CDK19: variants seen among roughly 807,000 people sequenced by gnomAD.
CDK19 encodes the protein cyclin-dependent kinase 19.
In CDK19, 20 loss-of-function variants were observed where a neutral mutation model predicts 68.3. The ratio of observed to expected loss-of-function variants is 0.29; its 90% confidence interval spans 0.21 to 0.43. The LOEUF (loss-of-function observed/expected upper bound fraction) is 0.43, where lower values mean the gene tolerates loss of function less well. Among genes scored for constraint, CDK19 ranks in the 20% least tolerant of loss-of-function variants. CDK19 has a pLI of 1.00. For missense variants in CDK19, 339 were observed against 623.5 expected (o/e 0.54, Z 4.86); for synonymous variants, 221 against 222.8 (o/e 0.99, Z 0.07).
intron 12 of CDK19, among the ~76,000 whole-genome samples, chr6:110,617,698 C>A (rs1223268996): frequency 7.0e-6 from 1 of 142,944 alleles, no homozygotes; most frequent in East Asian, 2.0e-4. Flanking sequence ...CACACACACA[C>A]ACACACAAAT....
rs562138230 is a variant in CDK19 at position 110,739,825 on chromosome 6, A to T, written c.204+6301T>A. Among the ~76,000 whole-genome samples the T allele has an allele frequency of 4.8e-5, 7 of 146,482 alleles. No homozygotes were observed. In the East Asian group the frequency reaches 1.2e-3, roughly 26 times the overall value. On this transcript the variant is annotated intron_variant, in intron 2 of 12. Coordinates refer to ENST00000368911, the MANE Select transcript of CDK19 (RefSeq NM_015076.5). Reference sequence around the variant, plus strand: ...ATTATTATTATTATTATTATTATAGAGACAGGGTCTCACAATATTGTCCAG... The same window carrying T: ...ATTATTATTATTATTATTATTATAGTGACAGGGTCTCACAATATTGTCCAG...
intron 1 of CDK19, among the ~76,000 whole-genome samples, chr6:110,760,715 G>A (rs1779173349): frequency 6.6e-6 from 1 of 152,172 alleles, no homozygotes; most frequent in Non-Finnish European, 1.5e-5. Flanking sequence ...GCGACAGGGC[G>A]AGACCTTGTC....
At chr6:110,677,877 T>C (rs1370914370) in intron 2 of CDK19, among the ~76,000 whole-genome samples, 2 of 152,208 alleles carry the variant, frequency 1.3e-5, no homozygotes, top group African/African-American at 4.8e-5. Flanking sequence ...TGAGACAAGA[T>C]CTCACTTTGT....
chr6:110,682,161 CACTT>C (rs2114521887), intron 2 of CDK19, among the ~76,000 whole-genome samples: 2 of 152,334 alleles, frequency 1.3e-5, no homozygotes, highest in East Asian at 3.9e-4. Context: ...TTCAATTACT[CACTT>C]ATCTCAAAGT....
At chr6:110,804,684 G>A (rs949362086) in intron 1 of CDK19, among the ~76,000 whole-genome samples, 2 of 149,882 alleles carry the variant, frequency 1.3e-5, no homozygotes, top group Admixed American at 6.6e-5. Flanking sequence ...TGCCGGGCGC[G>A]GTGGCTCACA....
At chr6:110,679,190 C>T (rs1359264537) in intron 2 of CDK19, among the ~76,000 whole-genome samples, 1 of 152,040 alleles carries the variant, frequency 6.6e-6, no homozygotes, top group Non-Finnish European at 1.5e-5. Flanking sequence ...GTGGTGCAGG[C>T]CTGTAGTCCC....
intron 1 of CDK19, among the ~76,000 whole-genome samples, chr6:110,760,477 C>T (rs1245591124): frequency 6.9e-6 from 1 of 144,548 alleles, no homozygotes; most frequent in Non-Finnish European, 1.5e-5. Context: ...CCTGTTAATT[C>T]AAAACTTTGG....
chr6:110,625,504 A>T (rs377416858), intron 8 of CDK19, among the ~76,000 whole-genome samples: 1 of 152,066 alleles, frequency 6.6e-6, no homozygotes, highest in African/African-American at 2.4e-5. Context: ...ACAAGGGTAC[A>T]ATAAAATGTT....
chr6:110,683,725 C>CA (rs1772210497), intron 2 of CDK19, among the ~76,000 whole-genome samples: 1 of 132,638 alleles, frequency 7.5e-6, no homozygotes, highest in African/African-American at 2.8e-5. Flanking sequence ...TTTTTGGAGA[C>CA]AGAGTCTCAC....
intron 2 of CDK19, among the ~76,000 whole-genome samples, chr6:110,724,403 A>G (rs1015975887): frequency 6.6e-6 from 1 of 152,150 alleles, no homozygotes; most frequent in Admixed American, 6.6e-5. Context: ...GTAAGGGAGT[A>G]TGACTGACCG....
At chr6:110,660,378 C>T (rs764134467) in intron 4 of CDK19, among the ~76,000 whole-genome samples, 1 of 152,112 alleles carries the variant, frequency 6.6e-6, no homozygotes, top group Admixed American at 6.5e-5. Flanking sequence ...GCCCATGACC[C>T]CTTAAGCCAC....
chr6:110,794,254 T>G (rs1286820839), intron 1 of CDK19, among the ~76,000 whole-genome samples: 2 of 151,728 alleles, frequency 1.3e-5, no homozygotes, highest in South Asian at 2.1e-4. Context: ...CCATATTTGG[T>G]CAGGCTGGTC....
chr6:110,711,867 C>T (rs1490976486), intron 2 of CDK19, among the ~76,000 whole-genome samples: 1 of 152,226 alleles, frequency 6.6e-6, no homozygotes, highest in African/African-American at 2.4e-5. Context: ...ACTTGGGAGG[C>T]TGAGGCAGGA....
intron 2 of CDK19, among the ~76,000 whole-genome samples, chr6:110,707,800 C>G (rs576251105): frequency 6.6e-6 from 1 of 152,064 alleles, no homozygotes; most frequent in South Asian, 2.1e-4. Context: ...GGTGAAACCC[C>G]ATGTCTACTA....
Position 110,753,725 on chromosome 6 carries a change from C to CT in CDK19, c.129-7525dup, listed in dbSNP as rs200345957. Among the ~76,000 whole-genome samples, 617 of 150,618 alleles carry CT rather than the reference C, an allele frequency of 4.1e-3. 23 individuals are homozygous for CT. The East Asian group carries it at 0.069, about 17-fold the overall frequency. The stretch of plus-strand genomic sequence containing the variant: ...AATTGATGAATTAATTGTATAATTT[C>CT]TTTTTTTTTAAGGTGTTCATATTTA... On this transcript the variant is annotated intron_variant, in intron 1 of 12. Transcript: ENST00000368911.
At chr6:110,785,131 A>G (rs1781113694) in intron 1 of CDK19, among the ~76,000 whole-genome samples, 1 of 152,056 alleles carries the variant, frequency 6.6e-6, no homozygotes, top group East Asian at 1.9e-4. Flanking sequence ...ACATTTATGG[A>G]AAATGCACTA....
At chr6:110,700,706 T>A in intron 2 of CDK19, 1 of 173,128 alleles carries the variant, frequency 5.8e-6, no homozygotes, top group Non-Finnish European at 1.3e-5. Flanking sequence ...CCAGTCTGTA[T>A]GCCTACCAAG....
intron 2 of CDK19, among the ~76,000 whole-genome samples, chr6:110,734,520 G>GCGCTCTCTCTCT (rs1554214772): frequency 5.8e-5 from 5 of 85,734 alleles, no homozygotes; most frequent in Non-Finnish European, 1.2e-4. Context: ...GGTGAGCACT[G>GCGCTCTCTCTCT]CTCTCTCTCT....
chr6:110,799,303 G>A (rs1258082926), intron 1 of CDK19, among the ~76,000 whole-genome samples: 1 of 151,944 alleles, frequency 6.6e-6, no homozygotes, highest in Admixed American at 6.6e-5. Context: ...CAACAATTAG[G>A]CCTTAATACC....
Sources: allele counts gnomAD v4.1 joint callset (sites outside exome capture counted in the v4.1 genomes callset), GRCh38; gene constraint gnomAD v4.1.1; transcripts MANE v1.5; gene names NCBI Gene and HGNC (gene_info 2026-07-23, HGNC 2026-07-21).